ARHGEF10L: variants seen among roughly 807,000 people sequenced by gnomAD.
ARHGEF10L encodes Rho guanine nucleotide exchange factor 10 like.
A neutral mutation model predicts 141.2 loss-of-function variants in ARHGEF10L; 69 were observed. That is an observed-to-expected ratio of 0.49 (90% CI 0.40 to 0.60). The LOEUF is 0.60. ARHGEF10L is among the 20% of genes least tolerant of loss of function. The pLI is 0.00. For missense variants in ARHGEF10L, 1,482 were observed against 1,734.3 expected, an observed-to-expected ratio of 0.85 and a Z score of 2.58; for synonymous variants, 711 against 718.5, an observed-to-expected ratio of 0.99 and a Z score of 0.17.
intron 4 of ARHGEF10L, among the ~76,000 whole-genome samples, chr1:17,592,335 C>A (rs976265814): frequency 2.0e-5 from 3 of 152,192 alleles, no homozygotes; most frequent in South Asian, 2.1e-4. Context: ...TGGCTCCTGG[C>A]CCTGGTCGCA....
At chr1:17,588,173 G>A (rs1044113959) in intron 3 of ARHGEF10L, among the ~76,000 whole-genome samples, 5 of 152,168 alleles carry the variant, frequency 3.3e-5, no homozygotes, top group African/African-American at 1.2e-4. Context: ...AGCTGGGGGT[G>A]GAGGGCAGGC....
chr1:17,565,423 G>A (rs1286035882), intron 1 of ARHGEF10L, among the ~76,000 whole-genome samples: 1 of 152,204 alleles, frequency 6.6e-6, no homozygotes, highest in African/African-American at 2.4e-5. Context: ...CCCAGGCATT[G>A]CAGACGAACT....
chr1:17,601,989 A>C, intron 4 of ARHGEF10L, 138 bp from the exon 5 acceptor site: 1 of 715,392 alleles, frequency 1.4e-6, no homozygotes, highest in Non-Finnish European at 2.2e-6. Flanking sequence ...TCTGAGGCCA[A>C]CTCCACCTCA....
At position 17,580,787 on chromosome 1, in the gene ARHGEF10L, G is replaced by A. The variant is rs138921198; in HGVS notation, c.37+155G>A. On this transcript the variant is annotated intron_variant, in intron 2 of 28. Transcript: ENST00000361221. ...GCCTGGGCCGCATCCTCTATCTCAC[G>A]TTCCTTGTCTACAAAATAGAAGTAA... 3.9e-3 allele frequency among the ~76,000 whole-genome samples: 589 copies of A among 152,306 alleles called. 2 individuals carry two copies. The highest frequency in any genetic ancestry group is 7.1e-3 in the Non-Finnish European group (483 of 68,026).
At chr1:17,628,336 A>T (rs909047689) in intron 15 of ARHGEF10L, among the ~76,000 whole-genome samples, 2 of 152,140 alleles carry the variant, frequency 1.3e-5, no homozygotes, top group Non-Finnish European at 2.9e-5. Context: ...TCTCTAAAGG[A>T]AAAAAACCAA....
At chr1:17,554,006 A>T (rs1288436821) in intron 1 of ARHGEF10L, among the ~76,000 whole-genome samples, 2 of 152,158 alleles carry the variant, frequency 1.3e-5, no homozygotes, top group African/African-American at 2.4e-5. Flanking sequence ...TGACCTGTAT[A>T]TGAAAGCTGG....
Position 17,697,191 on chromosome 1 carries a change from C to T in ARHGEF10L, c.3651C>T (p.Pro1217=), listed in dbSNP as rs140652043. The T allele has an allele frequency of 1.7e-5, 27 of 1,612,144 alleles. No individual in the cohort carries two copies. Among genetic ancestry groups the T allele is most frequent in the South Asian group, 9.9e-5 (9 of 91,046 alleles). The part of the protein sequence containing the change: ...DGSIYEMADD[P]DIWVRSRPCA... The stretch of plus-strand genomic sequence containing the variant: ...CCATTTACGAGATGGCCGACGACCC[C>T]GACATCTGGGTGCGCAGCCGGCCCT... Residue 1217 remains proline, a synonymous_variant, in exon 29 of 29, where the codon CCC becomes CCT. Transcript: ENST00000361221. The surrounding 1 kb of genome is among the most constrained non-coding windows in gnomAD (Gnocchi z 4.8).
intron 1 of ARHGEF10L, among the ~76,000 whole-genome samples, chr1:17,578,672 A>T (rs1423979513): frequency 6.6e-6 from 1 of 152,142 alleles, no homozygotes; most frequent in African/African-American, 2.4e-5. Flanking sequence ...GGAAATCGAG[A>T]CCAAAGCAGC....
chr1:17,530,724 C>G, the ARHGEF10L span, among the ~76,000 whole-genome samples: 4 of 152,140 alleles, frequency 2.6e-5, no homozygotes, highest in African/African-American at 9.7e-5. Context: ...ATCTTGAAAG[C>G]AGCCATTCTG....
At chr1:17,517,807 C>T in the ARHGEF10L span, among the ~76,000 whole-genome samples, 4 of 152,110 alleles carry the variant, frequency 2.6e-5, no homozygotes, top group South Asian at 6.2e-4. Context: ...ATTACAGGTG[C>T]CCACCTCCAA....
chr1:17,633,123 G>A (rs2060797991), intron 16 of ARHGEF10L, among the ~76,000 whole-genome samples: 2 of 152,198 alleles, frequency 1.3e-5, no homozygotes, highest in South Asian at 2.1e-4. Flanking sequence ...GGAGAGATCT[G>A]ACATTCTGGG....
At chr1:17,588,849 AGTGTGT>A (rs57719075) in intron 4 of ARHGEF10L, among the ~76,000 whole-genome samples, 9 of 20,434 alleles carry the variant, frequency 4.4e-4, no homozygotes, top group South Asian at 2.4e-3. Context: ...GAGGGTCCCC[AGTGTGT>A]GTGTGTGTGT....
At chr1:17,566,171 C>T (rs1366589724) in intron 1 of ARHGEF10L, among the ~76,000 whole-genome samples, 1 of 152,190 alleles carries the variant, frequency 6.6e-6, no homozygotes, top group Non-Finnish European at 1.5e-5. Context: ...CCGGGTTTCC[C>T]AACCTCGATC....
At chr1:17,562,402 G>A (rs796806177) in intron 1 of ARHGEF10L, among the ~76,000 whole-genome samples, 1 of 152,084 alleles carries the variant, frequency 6.6e-6, no homozygotes, top group Non-Finnish European at 1.5e-5. Flanking sequence ...GTGCAACAGA[G>A]TGAGACCTTG....
chr1:17,684,902 A>G (rs1280997413), intron 26 of ARHGEF10L, among the ~76,000 whole-genome samples: 3 of 152,104 alleles, frequency 2.0e-5, no homozygotes, highest in Non-Finnish European at 4.4e-5. Context: ...CTCGCAGCTC[A>G]GCCATCAGGG....
Position 17,655,441 on chromosome 1 carries a change from A to G in ARHGEF10L, c.2482-438A>G, listed in dbSNP as rs573567364. 6.1e-3 allele frequency among the ~76,000 whole-genome samples: 280 copies of G among 45,986 alleles called. 1 individual carries two copies. Among genetic ancestry groups the G allele is most frequent in the Middle Eastern group, 0.026 (3 of 114 alleles). The allele number at this position is 45,986 out of a possible 152,430, so 30.2% of individuals were successfully genotyped here. A position where few individuals can be genotyped will look rare whatever the true frequency, so the allele number is the denominator to read the frequency against. ...CCATCTATCTGTCTATCATCTGTCC[A>G]TCCATCCATCCATCCATCCATCCAT... On this transcript the variant is annotated intron_variant, in intron 23 of 28. Coordinates refer to ENST00000361221, the MANE Select transcript of ARHGEF10L (RefSeq NM_018125.4).
At chr1:17,522,733 G>A in the ARHGEF10L span, among the ~76,000 whole-genome samples, 4 of 152,006 alleles carry the variant, frequency 2.6e-5, no homozygotes, top group Non-Finnish European at 5.9e-5. Flanking sequence ...GATCTCTTCA[G>A]TTAATGAGAC....
chr1:17,522,012 A>T, the ARHGEF10L span, among the ~76,000 whole-genome samples: 1 of 152,032 alleles, frequency 6.6e-6, no homozygotes, highest in Non-Finnish European at 1.5e-5. Context: ...ATGGCTCATG[A>T]CTCCCAGGAC....
At position 17,667,738 on chromosome 1, in the gene ARHGEF10L, C is replaced by T. The variant is rs578228029; in HGVS notation, c.3009+3143C>T. On this transcript the variant is annotated intron_variant, in intron 26 of 28. Coordinates refer to ENST00000361221, the MANE Select transcript of ARHGEF10L (RefSeq NM_018125.4). ...CTGCTGGCAGGGGAGGTGTGAGTGG[C>T]GCGGCCCCAGGGCACAGAGCTGCCC... 3.6e-4 allele frequency among the ~76,000 whole-genome samples: 55 copies of T among 152,308 alleles called. No homozygotes were observed. In the East Asian group the frequency reaches 9.9e-3, roughly 27 times the overall value.
Sources: gnomAD v4.1 joint callset for allele counts (sites outside exome capture counted in the v4.1 genomes callset) on GRCh38, gnomAD v4.1.1 for gene constraint, Gnocchi (gnomAD v3.1) non-coding constraint, MANE v1.5 for transcripts, NCBI Gene and HGNC (gene_info 2026-07-23, HGNC 2026-07-21) for gene names.